Variants in STT3B observed in about 807,000 individuals in gnomAD.
STT3B encodes the protein STT3 oligosaccharyltransferase complex catalytic subunit B.
Under a neutral mutation model 96.8 loss-of-function variants are expected in STT3B, and 29 were observed. The ratio of observed to expected loss-of-function variants is 0.30; its 90% CI spans 0.22 to 0.41. The LOEUF is 0.41. Ranked by LOEUF, STT3B falls within the 10% of genes least tolerant of loss-of-function variation. The pLI, the probability that STT3B is intolerant of heterozygous loss-of-function variation, is 1.00. For missense variants in STT3B, 640 were observed against 1,022.3 expected (o/e 0.63, Z 5.10); for synonymous variants, 367 against 360.0 (o/e 1.02, Z -0.22).
chr3:31,564,068 G>A (rs1238040507), intron 1 of STT3B, among the ~76,000 whole-genome samples: 1 of 152,162 alleles, frequency 6.6e-6, no homozygotes, highest in Non-Finnish European at 1.5e-5. Context: ...GTATACGGGA[G>A]TATTCCCTGA....
At chr3:31,555,315 A>C (rs1697678859) in intron 1 of STT3B, among the ~76,000 whole-genome samples, 1 of 152,138 alleles carries the variant, frequency 6.6e-6, no homozygotes. Context: ...CTAGCTATAA[A>C]AACCTATGAA....
rs1699442722 is a variant in STT3B, at chr3:31,622,102, C to T, written c.1333C>T (p.Leu445=). 1.2e-6 allele frequency: 2 copies of T among 1,613,198 alleles called. No individual in the cohort carries two copies. Among genetic ancestry groups the T allele is most frequent in the African/African-American group, 1.3e-5 (1 of 74,908 alleles). Reference sequence around the variant, plus strand: ...AAGAGAATTTGTCTTTGCAGTTGCTCTATATGCAATCAGTGCTGTCTACTT... The same window carrying T: ...AAGAGAATTTGTCTTTGCAGTTGCTTTATATGCAATCAGTGCTGTCTACTT... ...NINDERVFVA[L]YAISAVYFAG... Residue 445 remains leucine, a synonymous_variant, in exon 10 of 16, where the codon CTA becomes TTA. Coordinates refer to ENST00000295770, the MANE Select transcript of STT3B (RefSeq NM_178862.3).
intron 1 of STT3B, among the ~76,000 whole-genome samples, chr3:31,550,686 A>G (rs991882360): frequency 1.3e-5 from 2 of 152,204 alleles, no homozygotes; most frequent in African/African-American, 4.8e-5. Flanking sequence ...ATGAGTTTCC[A>G]TATTTTAAGT....
chr3:31,634,647 C>T (rs995515442), intron 15 of STT3B, among the ~76,000 whole-genome samples: 2 of 152,060 alleles, frequency 1.3e-5, no homozygotes, highest in African/African-American at 2.4e-5. Context: ...TACCAGCCAT[C>T]GCAAAGCCGG....
At chr3:31,602,921 A>G (rs984186594) in intron 5 of STT3B, among the ~76,000 whole-genome samples, 1 of 152,122 alleles carries the variant, frequency 6.6e-6, no homozygotes, top group Admixed American at 6.5e-5. Context: ...AAGTAGTATG[A>G]TAGAGCAAGT....
At chr3:31,567,366 A>C (rs557692222) in intron 1 of STT3B, among the ~76,000 whole-genome samples, 1 of 151,686 alleles carries the variant, frequency 6.6e-6, no homozygotes, top group East Asian at 1.9e-4. Context: ...TCTGTTCCTG[A>C]TTGATTCTTT....
intron 5 of STT3B, among the ~76,000 whole-genome samples, chr3:31,613,106 G>T (rs76330466): frequency 6.6e-6 from 1 of 152,050 alleles, no homozygotes; most frequent in South Asian, 2.1e-4. Context: ...TTGTTTTGGG[G>T]TAATGAAAAT....
chr3:31,579,697 TTGC>T (rs1373726718), intron 2 of STT3B, 109 bp from the exon 3 acceptor site: 3 of 850,772 alleles, frequency 3.5e-6, no homozygotes, highest in Non-Finnish European at 5.2e-6. Context: ...TTTTGAGATG[TTGC>T]TTTCAAACTT....
chr3:31,591,024 ATAT>A, intron 3 of STT3B, among the ~76,000 whole-genome samples: 1 of 152,032 alleles, frequency 6.6e-6, no homozygotes, highest in African/African-American at 2.4e-5. Context: ...CAAATCTTCT[ATAT>A]GCTCATCGTT....
intron 1 of STT3B, among the ~76,000 whole-genome samples, chr3:31,539,802 A>G (rs968318023): frequency 6.6e-6 from 1 of 152,122 alleles, no homozygotes; most frequent in Admixed American, 6.5e-5. Context: ...CCAACTGAAT[A>G]TTGTTCTTAT....
intron 3 of STT3B, among the ~76,000 whole-genome samples, chr3:31,595,035 G>T (rs899979469): frequency 2.0e-5 from 3 of 152,138 alleles, no homozygotes; most frequent in Non-Finnish European, 4.4e-5. Flanking sequence ...GGTTGTCCAT[G>T]ATTGAAGCAT....
Position 31,623,813 on chromosome 3 carries a change from A to G in STT3B, c.1679A>G (p.Asn560Ser). The change falls in exon 11 of 16, where the codon AAT becomes AGT. Residue 560 changes from asparagine (N) to serine (S), a missense_variant. By Grantham distance (46) the Asn-to-Ser change is conservative (BLOSUM62 1). Transcript: ENST00000295770. ...FAVHCTWVTS[N>S]AYSSPSVVLA... is the part of the protein sequence containing the mutation. ...GTCCACTGTACCTGGGTCACAAGCA[A>G]TGCCTACTCTAGTCCAAGTGTAGTC... 2 of 1,614,036 alleles carry G rather than the reference A, an allele frequency of 1.2e-6. No homozygotes were observed. The highest frequency in any genetic ancestry group is 1.7e-6 in the Non-Finnish European group (2 of 1,179,918).
At chr3:31,578,258 A>G (rs1176701475) in intron 2 of STT3B, among the ~76,000 whole-genome samples, 1 of 151,918 alleles carries the variant, frequency 6.6e-6, no homozygotes, top group Non-Finnish European at 1.5e-5. Flanking sequence ...AAACCCCCTC[A>G]TTTTCATTCC....
chr3:31,546,257 T>C (rs1434130641), intron 1 of STT3B, among the ~76,000 whole-genome samples: 1 of 151,920 alleles, frequency 6.6e-6, no homozygotes, highest in Non-Finnish European at 1.5e-5. Context: ...TGGGGAGTCC[T>C]TCAGCTTCAT....
At chr3:31,603,191 G>A (rs1698971475) in intron 5 of STT3B, among the ~76,000 whole-genome samples, 1 of 152,126 alleles carries the variant, frequency 6.6e-6, no homozygotes, top group Non-Finnish European at 1.5e-5. Flanking sequence ...TGAATTAAAT[G>A]ACTTGAATTA....
At chr3:31,619,224 G>T (rs1227708117) in intron 8 of STT3B, among the ~76,000 whole-genome samples, 2 of 152,128 alleles carry the variant, frequency 1.3e-5, no homozygotes, top group Non-Finnish European at 2.9e-5. Context: ...CAGAATTTCA[G>T]ATTAGAGATG....
At chr3:31,614,250 A>T (rs1455772799) in intron 5 of STT3B, among the ~76,000 whole-genome samples, 2 of 151,954 alleles carry the variant, frequency 1.3e-5, no homozygotes, top group African/African-American at 4.8e-5. Context: ...AATGATGTGT[A>T]ATCTGTATAA....
At chr3:31,561,165 C>T (rs1575414591) in intron 1 of STT3B, among the ~76,000 whole-genome samples, 1 of 150,772 alleles carries the variant, frequency 6.6e-6, no homozygotes, top group African/African-American at 2.4e-5. Flanking sequence ...TTTCTGATTT[C>T]TTTATATTGT....
chr3:31,543,294 T>C (rs1446315325), intron 1 of STT3B, among the ~76,000 whole-genome samples: 2 of 152,208 alleles, frequency 1.3e-5, no homozygotes, highest in Non-Finnish European at 2.9e-5. Context: ...AGTTATTTGT[T>C]CTTTGCCAAA....
Sources: allele counts gnomAD v4.1 joint callset (sites outside exome capture counted in the v4.1 genomes callset), GRCh38; gene constraint gnomAD v4.1.1; transcripts MANE v1.5; gene names NCBI Gene and HGNC (gene_info 2026-07-23, HGNC 2026-07-21).